IQANK1: variants seen among roughly 807,000 people sequenced by gnomAD.
IQANK1 encodes IQ motif and ankyrin repeat domain-containing protein 1.
IQANK1 carries 30 observed loss-of-function variants against 22.6 expected under a neutral mutation model. The ratio of observed to expected loss-of-function variants is 1.33; its 90% CI spans 0.99 to 1.80. IQANK1 has a LOEUF of 1.80. Among genes scored for constraint, IQANK1 ranks in the 40% most tolerant of loss-of-function variants. The probability of loss-of-function intolerance (pLI) is 0.00; values close to 1 mark genes in which losing one functional copy is unlikely to be tolerated. For synonymous variants in IQANK1, 122 were observed against 99.6 expected (o/e 1.23, Z -1.34); for missense variants, 275 against 235.2 (o/e 1.17, Z -1.11).
chr8:143,735,555 C>G lies in IQANK1; in HGVS notation c.-4-295C>G, dbSNP rs1403816280. ...GGGGCAGGGAGAAGAGTGCTAGACT[C>G]CAGATCCTGCGCCCGGCAGGATGGG... On this transcript the variant is annotated intron_variant, in intron 1 of 13. Transcript: ENST00000527139. The surrounding 1 kb of genome is among the most constrained non-coding windows in gnomAD (Gnocchi z 5.2). Among the ~76,000 whole-genome samples, 1 of 152,124 alleles carries G rather than the reference C, an allele frequency of 6.6e-6. No homozygotes were observed. The highest frequency in any genetic ancestry group is 1.5e-5 in the Non-Finnish European group (1 of 68,000).
chr8:143,748,512 TATAA>T (rs1290572174), intron 3 of IQANK1, among the ~76,000 whole-genome samples: 5 of 139,234 alleles, frequency 3.6e-5, no homozygotes, highest in Non-Finnish European at 6.1e-5. Flanking sequence ...ATATATAATA[TATAA>T]ATATAGATGA....
At position 143,763,057 on chromosome 8, in the gene IQANK1, C is replaced by T. The variant is rs138794386; in HGVS notation, c.176-8431C>T. ...CTTAAAACTGAGTCTTGCTCTGTCACCCAGGCTGGAGTGCAGTGGTGCGAT... is the reference window on the plus strand; with the variant it reads ...CTTAAAACTGAGTCTTGCTCTGTCATCCAGGCTGGAGTGCAGTGGTGCGAT... On this transcript the variant is annotated intron_variant, in intron 3 of 13. Transcript: ENST00000527139. Among the ~76,000 whole-genome samples, 71 of 151,958 alleles carry T rather than the reference C, an allele frequency of 4.7e-4. 2 individuals carry two copies. The East Asian group carries it at 9.5e-3, about 20-fold the overall frequency.
intron 3 of IQANK1, chr8:143,760,505 A>C (rs1819374452): frequency 1.0e-5 from 1 of 100,460 alleles, no homozygotes; most frequent in Non-Finnish European, 2.2e-5. Flanking sequence ...GTGAGATTTC[A>C]TCTCTACAAA....
chr8:143,789,135 T>TGCTGGTGGGGGC, intron 8 of IQANK1, 54 bp from the exon 9 acceptor site: 1 of 400,836 alleles, frequency 2.5e-6, no homozygotes, highest in East Asian at 3.6e-5. Context: ...GGGCAGGGGG[T>TGCTGGTGGGGGC]GCTGGTGGGG....
chr8:143,759,179 T>A (rs959875650), intron 3 of IQANK1: 4 of 258,428 alleles, frequency 1.5e-5, no homozygotes, highest in African/African-American at 9.2e-5. Flanking sequence ...GCAAGAGACA[T>A]GGCCAGCAGC....
intron 3 of IQANK1, among the ~76,000 whole-genome samples, chr8:143,753,488 C>T (rs1400455326): frequency 2.1e-5 from 3 of 144,106 alleles, no homozygotes; most frequent in African/African-American, 5.3e-5. Flanking sequence ...GACGGAGTCT[C>T]GCTGTCTCAG....
chr8:143,759,062 G>T, intron 3 of IQANK1: 1 of 260,618 alleles, frequency 3.8e-6, no homozygotes, highest in Non-Finnish European at 7.7e-6. Context: ...CCTGGGATGA[G>T]GTCCTGCATT....
intron 7 of IQANK1, among the ~76,000 whole-genome samples, chr8:143,786,893 CTGTGGCTG>C (rs1819899863): frequency 1.3e-5 from 2 of 152,186 alleles, no homozygotes; most frequent in Admixed American, 6.5e-5. Context: ...GAAGGAGCCC[CTGTGGCTG>C]CCAGGGAATG....
intron 3 of IQANK1, among the ~76,000 whole-genome samples, chr8:143,748,716 AT>A (rs1412840715): frequency 4.4e-5 from 5 of 114,654 alleles, no homozygotes; most frequent in Non-Finnish European, 7.9e-5. Flanking sequence ...ATAAATATAT[AT>A]CATATATATC....
Position 143,787,939 on chromosome 8 carries a change from C to T in IQANK1, c.790-976C>T, listed in dbSNP as rs1024841722. ...CTTCTCGGTCTGCTCTTGGTTGTGG[C>T]ACCCACCTTCAGCCACCTGCTCTTC... On this transcript the variant is annotated intron_variant, in intron 7 of 13. Coordinates refer to ENST00000527139, the MANE Select transcript of IQANK1 (RefSeq NM_001381874.1). Among the ~76,000 whole-genome samples, 5 of 152,142 alleles carry T rather than the reference C, an allele frequency of 3.3e-5. No individual in the cohort carries two copies. The South Asian group carries it at 6.2e-4, about 19-fold the overall frequency.
intron 3 of IQANK1, chr8:143,742,130 T>C (rs1014229814): frequency 4.0e-5 from 14 of 347,684 alleles, no homozygotes; most frequent in Admixed American, 3.8e-4. Flanking sequence ...TGTTCCCTGC[T>C]CCTCACAGAG....
At chr8:143,753,454 G>A (rs1237586584) in intron 3 of IQANK1, among the ~76,000 whole-genome samples, 2 of 144,016 alleles carry the variant, frequency 1.4e-5, no homozygotes, top group Non-Finnish European at 3.0e-5. Flanking sequence ...TTTAGGGAAA[G>A]TTTCTTTTTT....
intron 3 of IQANK1, among the ~76,000 whole-genome samples, chr8:143,749,288 AAT>A (rs1563770780): frequency 3.3e-5 from 4 of 121,624 alleles, no homozygotes; most frequent in Non-Finnish European, 4.7e-5. Flanking sequence ...TATATATAAA[AAT>A]ATATAATATA....
At chr8:143,768,028 C>T (rs1819509228) in intron 3 of IQANK1, among the ~76,000 whole-genome samples, 1 of 150,298 alleles carries the variant, frequency 6.7e-6, no homozygotes, top group African/African-American at 2.4e-5. Context: ...GGATTACAGG[C>T]GCCGCCACCA....
At chr8:143,759,808 T>A (rs1554628754) in intron 3 of IQANK1, 1 of 152,238 alleles carries the variant, frequency 6.6e-6, no homozygotes, top group Non-Finnish European at 1.5e-5. Context: ...TTCATTAACC[T>A]GGTAGGAAAG....
intron 3 of IQANK1, among the ~76,000 whole-genome samples, chr8:143,749,395 T>A (rs1313727000): frequency 1.5e-5 from 2 of 130,998 alleles, no homozygotes; most frequent in African/African-American, 6.1e-5. Context: ...GAATATATAA[T>A]TATATATCAT....
intron 7 of IQANK1, among the ~76,000 whole-genome samples, chr8:143,787,886 C>G (rs1554631579): frequency 6.6e-6 from 1 of 152,106 alleles, no homozygotes; most frequent in Non-Finnish European, 1.5e-5. Context: ...TCCACCTCCA[C>G]CTGGCCCCGT....
At chr8:143,788,662 C>T (rs1362269032) in intron 7 of IQANK1, among the ~76,000 whole-genome samples, 1 of 152,226 alleles carries the variant, frequency 6.6e-6, no homozygotes, top group Non-Finnish European at 1.5e-5. Context: ...GGCCCAGCCA[C>T]AGGAGCAGGT....
Position 143,774,478 on chromosome 8 carries a change from C to T in IQANK1, c.789+1996C>T, listed in dbSNP as rs1181949450. On this transcript the variant is annotated intron_variant, in intron 7 of 13. Coordinates refer to ENST00000527139, the MANE Select transcript of IQANK1 (RefSeq NM_001381874.1). The surrounding 1 kb of genome is among the most constrained non-coding windows in gnomAD (Gnocchi z 4.2). ...GCACACCACCTCACACCTCCCAGGA[C>T]AGCCCAGGTCAAACTAGAGCTGGAG... is the stretch of plus-strand genomic sequence containing the variant. Among the ~76,000 whole-genome samples, 1 of 152,200 alleles carries T rather than the reference C, an allele frequency of 6.6e-6. No homozygotes were observed. Among genetic ancestry groups the T allele is most frequent in the Non-Finnish European group, 1.5e-5 (1 of 68,030 alleles).
Sources: gnomAD v4.1 joint callset for allele counts (sites outside exome capture counted in the v4.1 genomes callset) on GRCh38, gnomAD v4.1.1 for gene constraint, Gnocchi (gnomAD v3.1) non-coding constraint, MANE v1.5 for transcripts, NCBI Gene and HGNC (gene_info 2026-07-23, HGNC 2026-07-21) for gene names.